The following PJA2 variants were observed in gnomAD, a reference collection of about 807,000 sequenced individuals.
PJA2 encodes E3 ubiquitin-protein ligase Praja-2.
Under a neutral mutation model 69.3 loss-of-function variants are expected in PJA2, and 25 were observed. That is an observed-to-expected ratio of 0.36 (90% CI 0.26 to 0.50). The LOEUF is 0.50. PJA2 is among the 20% of genes least tolerant of loss of function. PJA2 has a pLI of 0.96. For missense variants in PJA2, 809 were observed against 830.2 expected, an observed-to-expected ratio of 0.97 and a Z score of 0.31; for synonymous variants, 308 against 277.8, an observed-to-expected ratio of 1.11 and a Z score of -1.08.
intron 2 of PJA2, among the ~76,000 whole-genome samples, chr5:109,382,315 C>T (rs1035387981): frequency 2.0e-5 from 3 of 152,162 alleles, no homozygotes; most frequent in African/African-American, 7.2e-5. Flanking sequence ...GCCTTCAAAA[C>T]TACCAATAAA....
At chr5:109,343,812 T>A (rs559576305) in intron 9 of PJA2, among the ~76,000 whole-genome samples, 1 of 152,298 alleles carries the variant, frequency 6.6e-6, no homozygotes, top group African/African-American at 2.4e-5. Context: ...GATACTACTA[T>A]TGGCTGGGCG....
chr5:109,383,419 A>T lies in PJA2; in HGVS notation c.15T>A (p.Thr5=). MSQY[T]EKEPAAMDQE... ...TTTCCTTACCTGCTGGCTCCTTTTCAGTGTACTGTGACATATATGGCAGCG... is the reference window on the plus strand; with the variant it reads ...TTTCCTTACCTGCTGGCTCCTTTTCTGTGTACTGTGACATATATGGCAGCG... Residue 5 remains threonine, a synonymous_variant, in exon 2 of 10, where the codon ACT becomes ACA. Transcript: ENST00000361189. The T allele has an allele frequency of 1.2e-6, 2 of 1,613,284 alleles. No homozygotes were observed. Among genetic ancestry groups the T allele is most frequent in the South Asian group, 2.2e-5 (2 of 90,992 alleles).
At chr5:109,388,132 T>C (rs1747200138) in intron 1 of PJA2, among the ~76,000 whole-genome samples, 1 of 152,140 alleles carries the variant, frequency 6.6e-6, no homozygotes, top group Non-Finnish European at 1.5e-5. Flanking sequence ...AAAAGGATTG[T>C]GGCTTCCTTA....
At chr5:109,397,396 G>A (rs1044475378) in intron 1 of PJA2, among the ~76,000 whole-genome samples, 1 of 151,982 alleles carries the variant, frequency 6.6e-6, no homozygotes, top group Admixed American at 6.5e-5. Flanking sequence ...ACTTCTACAG[G>A]GTATAGAAAG....
chr5:109,379,760 A>T (rs1746996742), intron 3 of PJA2, among the ~76,000 whole-genome samples: 1 of 152,218 alleles, frequency 6.6e-6, no homozygotes, highest in Non-Finnish European at 1.5e-5. Flanking sequence ...GCAATTCACA[A>T]AATTATATCT....
In PJA2 at chr5:109,381,089, G is replaced by A. The variant is rs145369471; in HGVS notation, c.232+414C>T. Among the ~76,000 whole-genome samples the A allele has an allele frequency of 7.6e-3, 1,147 of 151,202 alleles. 13 individuals carry two copies. The highest frequency in any genetic ancestry group is 0.026 in the African/African-American group (1,073 of 41,228). ...AAGATGCACTACTGCAGTCCATCCT[G>A]GGCAACAGAACGTGACTCCATCTCA... is the stretch of plus-strand genomic sequence containing the variant. On this transcript the variant is annotated intron_variant, in intron 3 of 9. Transcript: ENST00000361189.
chr5:109,352,266 C>T (rs1168567139), intron 7 of PJA2, among the ~76,000 whole-genome samples: 2 of 152,132 alleles, frequency 1.3e-5, no homozygotes, highest in Non-Finnish European at 2.9e-5. Flanking sequence ...TTTCAAGATG[C>T]CAAATGTCAC....
At chr5:109,364,622 C>CAAAAAAA (rs200663624) in intron 5 of PJA2, among the ~76,000 whole-genome samples, 215 of 61,862 alleles carry the variant, frequency 3.5e-3, no homozygotes, top group African/African-American at 0.011. Flanking sequence ...GACTCTGTCT[C>CAAAAAAA]AAAAAAAAAA....
chr5:109,403,939 C>T (rs1054578249), intron 1 of PJA2, among the ~76,000 whole-genome samples: 6 of 151,750 alleles, frequency 4.0e-5, no homozygotes, highest in Non-Finnish European at 5.9e-5. Flanking sequence ...GGCTTGGTGG[C>T]GTGTACCTGT....
rs374128502 is a variant in PJA2 at position 109,382,737 on chromosome 5, A to G, written c.31+666T>C. Among the ~76,000 whole-genome samples, 3 of 152,056 alleles carry G rather than the reference A, an allele frequency of 2.0e-5. No homozygotes were observed. The East Asian group carries it at 5.8e-4, about 29-fold the overall frequency. ...GTGGCACATGCCCATAATTCCAGCT[A>G]CTCAGGAAGCTGAGGCATGAGAATC... On this transcript the variant is annotated intron_variant, in intron 2 of 9. Transcript: ENST00000361189.
chr5:109,344,071 T>C (rs554881465), intron 9 of PJA2, 119 bp downstream of exon 9: 21 of 697,944 alleles, frequency 3.0e-5, no homozygotes, highest in East Asian at 2.6e-4. Flanking sequence ...CACTCCAGCC[T>C]AGGTGACAAG....
Position 109,383,383 on chromosome 5 carries a change from G to A in PJA2, c.31+20C>T. 1 of 1,611,772 alleles carries A rather than the reference G, an allele frequency of 6.2e-7. No individual in the cohort carries two copies. The highest frequency in any genetic ancestry group is 8.5e-7 in the Non-Finnish European group (1 of 1,178,360). ...GAAAAAACAAGAAGTACTCAATGTA[G>A]AAGAACTGACTTTCCTTACCTGCTG... On this transcript the variant is annotated intron_variant, in intron 2 of 9. Coordinates refer to ENST00000361189, the MANE Select transcript of PJA2 (RefSeq NM_014819.5).
chr5:109,353,542 GATATCTAT>G (rs1272769185), intron 7 of PJA2, among the ~76,000 whole-genome samples: 6 of 112,552 alleles, frequency 5.3e-5, no homozygotes, highest in African/African-American at 3.4e-4. Context: ...TAATATCATA[GATATCTAT>G]ATATTAGATA....
intron 1 of PJA2, among the ~76,000 whole-genome samples, chr5:109,395,038 T>C (rs964263190): frequency 1.3e-5 from 2 of 152,286 alleles, no homozygotes; most frequent in East Asian, 1.9e-4. Context: ...AGTCAGAATA[T>C]TGTTAAGTCT....
chr5:109,344,598 T>A, intron 8 of PJA2, 107 bp downstream of exon 8: 1 of 794,346 alleles, frequency 1.3e-6, no homozygotes, highest in Non-Finnish European at 1.9e-6. Flanking sequence ...ATAAAAAAAA[T>A]CTAGTGAAAG....
rs374411433 is a variant in PJA2, at chr5:109,379,228, A to C, written c.259T>G (p.Ser87Ala). 3.7e-6 allele frequency: 6 copies of C among 1,611,740 alleles called. No homozygotes were observed. In the African/African-American group the frequency reaches 8.0e-5, roughly 22 times the overall value. ...SGSSPLDQVD[S>A]SLPSEPIFEK... The stretch of plus-strand genomic sequence containing the variant: ...AATATAGGTTCACTGGGTAAAGAAG[A>C]ATCAACTTGATCCAAAGGACTGGAA... Residue 87 changes from serine to alanine, a missense_variant, in exon 4 of 10, where the codon TCT (serine) becomes GCT (alanine). Physicochemically the swap from Ser to Ala is moderately conservative, Grantham distance 99. This residue lies in a region of PJA2 where 700 missense variants were observed against 639.5 expected (regional missense o/e 1.09). Coordinates refer to ENST00000361189, the MANE Select transcript of PJA2 (RefSeq NM_014819.5).
chr5:109,406,024 T>C (rs1383991393), intron 1 of PJA2, among the ~76,000 whole-genome samples: 6 of 149,122 alleles, frequency 4.0e-5, no homozygotes, highest in African/African-American at 1.5e-4. Context: ...TGCTTACAAC[T>C]CAATAAGACA....
At chr5:109,403,521 C>A (rs1479357483) in intron 1 of PJA2, among the ~76,000 whole-genome samples, 1 of 148,832 alleles carries the variant, frequency 6.7e-6, no homozygotes, top group East Asian at 2.0e-4. Flanking sequence ...ATGAAACCAG[C>A]ATTATATGAA....
At chr5:109,409,470 C>A (rs1299793744) in intron 1 of PJA2, among the ~76,000 whole-genome samples, 1 of 152,092 alleles carries the variant, frequency 6.6e-6, no homozygotes, top group African/African-American at 2.4e-5. Context: ...TGTACAGTGG[C>A]GAGTGTAGGG....
Sources: gnomAD v4.1 joint callset for allele counts (sites outside exome capture counted in the v4.1 genomes callset) on GRCh38, gnomAD v4.1.1 for gene constraint, gnomAD v4.1.1 regional missense constraint, MANE v1.5 for transcripts, NCBI Gene and HGNC (gene_info 2026-07-23, HGNC 2026-07-21) for gene names.